The following APP variants were observed in gnomAD, a reference collection of about 807,000 sequenced individuals.
The protein encoded by APP is amyloid beta precursor protein.
Under a neutral mutation model 101.4 loss-of-function variants are expected in APP, and 31 were observed. The ratio of observed to expected loss-of-function variants is 0.31; its 90% confidence interval spans 0.23 to 0.41. The LOEUF is 0.41. Ranked by LOEUF, APP falls within the 10% of genes least tolerant of loss-of-function variation. The pLI, the probability that APP is intolerant of heterozygous loss-of-function variation, is 1.00. For synonymous variants in APP, 366 were observed against 364.4 expected (o/e 1.00, Z -0.05); for missense variants, 839 against 1,003.7 (o/e 0.84, Z 2.22).
chr21:26,112,944 T>A (rs747214826), intron 1 of APP, among the ~76,000 whole-genome samples: 3 of 152,206 alleles, frequency 2.0e-5, no homozygotes, highest in Non-Finnish European at 4.4e-5. Context: ...GGGTGCCTTC[T>A]GTATTTTCAA....
chr21:25,929,250 C>T (rs541514613), intron 13 of APP, among the ~76,000 whole-genome samples: 106 of 152,262 alleles, frequency 7.0e-4, no homozygotes, highest in African/African-American at 1.9e-3. Context: ...GTTATGACTT[C>T]ACTGTGAGTC....
intron 10 of APP, among the ~76,000 whole-genome samples, chr21:25,975,696 A>T (rs922279871): frequency 1.3e-5 from 2 of 152,210 alleles, no homozygotes; most frequent in African/African-American, 2.4e-5. Context: ...GACTGAAAAG[A>T]TGTATTATTA....
intron 5 of APP, among the ~76,000 whole-genome samples, chr21:26,042,265 C>G (rs2045406431): frequency 1.3e-5 from 2 of 152,164 alleles, no homozygotes; most frequent in Non-Finnish European, 2.9e-5. Flanking sequence ...CTCTCTTTCT[C>G]TCTCACCTAA....
At chr21:26,088,638 C>G (rs1018025251) in intron 3 of APP, among the ~76,000 whole-genome samples, 1 of 152,046 alleles carries the variant, frequency 6.6e-6, no homozygotes, top group South Asian at 2.1e-4. Flanking sequence ...TACACAGTTC[C>G]TGGGGACAGA....
At chr21:26,061,713 C>A (rs1000906588) in intron 3 of APP, among the ~76,000 whole-genome samples, 1 of 152,100 alleles carries the variant, frequency 6.6e-6, no homozygotes. Flanking sequence ...TAACTATTAC[C>A]GGATAATAGT....
At chr21:25,952,934 G>C (rs1050827870) in intron 13 of APP, among the ~76,000 whole-genome samples, 2 of 152,074 alleles carry the variant, frequency 1.3e-5, no homozygotes, top group Non-Finnish European at 2.9e-5. Context: ...AAGTATATTT[G>C]TTTGCTAAAG....
At chr21:25,894,287 CTTA>C (rs1477229414) in intron 16 of APP, among the ~76,000 whole-genome samples, 3 of 152,170 alleles carry the variant, frequency 2.0e-5, no homozygotes, top group Non-Finnish European at 4.4e-5. Context: ...ACTTTCAAGT[CTTA>C]TTATTTCAGC....
At chr21:26,168,037 T>C (rs535644104) in intron 1 of APP, among the ~76,000 whole-genome samples, 9 of 152,110 alleles carry the variant, frequency 5.9e-5, no homozygotes, top group Non-Finnish European at 1.0e-4. Flanking sequence ...GGTAAGATGA[T>C]TGTGACTAGG....
intron 3 of APP, among the ~76,000 whole-genome samples, chr21:26,057,122 T>A (rs2046073585): frequency 6.6e-6 from 1 of 152,224 alleles, no homozygotes; most frequent in African/African-American, 2.4e-5. Context: ...TGCTTTGTTT[T>A]TAAAAACAAA....
intron 1 of APP, among the ~76,000 whole-genome samples, chr21:26,145,552 G>A (rs2063136692): frequency 6.6e-6 from 1 of 152,194 alleles, no homozygotes; most frequent in African/African-American, 2.4e-5. Flanking sequence ...TTCCTAGCAG[G>A]CCATGGACCA....
intron 5 of APP, among the ~76,000 whole-genome samples, chr21:26,034,877 T>C (rs116472787): frequency 0.021 from 3,231 of 152,014 alleles, 105 homozygotes; most frequent in African/African-American, 0.074. Context: ...TTACATTCTA[T>C]GGGGGGAGAG....
chr21:25,938,189 T>C (rs747292756), intron 13 of APP, among the ~76,000 whole-genome samples: 3 of 152,204 alleles, frequency 2.0e-5, no homozygotes, highest in Non-Finnish European at 2.9e-5. Flanking sequence ...ACCTAGCCAC[T>C]AATGCTGCCA....
intron 1 of APP, among the ~76,000 whole-genome samples, chr21:26,136,859 C>T (rs1405416747): frequency 6.6e-6 from 1 of 152,194 alleles, no homozygotes; most frequent in Non-Finnish European, 1.5e-5. Flanking sequence ...ACTAGAATGT[C>T]ATTCTCCGCT....
Position 25,969,334 on chromosome 21 carries a change from C to A in APP, c.1458+5736G>T, listed in dbSNP as rs926054702. On this transcript the variant is annotated intron_variant, in intron 11 of 17. Transcript: ENST00000346798. ...CTGCACTCCAGCCTGGGCGACAAAG[C>A]AAGACTCTGTCTCAAAAAAAAAAAA... Among the ~76,000 whole-genome samples the A allele has an allele frequency of 1.7e-4, 14 of 82,306 alleles. No homozygotes were observed. In the Admixed American group the frequency reaches 2.4e-3, roughly 14 times the overall value. 54.0% of individuals were successfully genotyped at this position (82,306 alleles called of 152,430 possible).
intron 1 of APP, among the ~76,000 whole-genome samples, chr21:26,154,502 C>A (rs548018476): frequency 5.4e-4 from 82 of 152,214 alleles, no homozygotes; most frequent in African/African-American, 1.9e-3. Context: ...GAAGATATGC[C>A]TGGTAACTCT....
At chr21:26,066,325 C>T (rs1241240128) in intron 3 of APP, among the ~76,000 whole-genome samples, 3 of 152,118 alleles carry the variant, frequency 2.0e-5, no homozygotes, top group Non-Finnish European at 4.4e-5. Context: ...TTGTAAGACA[C>T]TCTTTGCTTA....
Position 26,111,964 on chromosome 21 carries a change from C to T in APP, c.225+15G>A, listed in dbSNP as rs774539709. The stretch of plus-strand genomic sequence containing the variant: ...GTGATCCAACGTGAATTGCTAGCCA[C>T]CGGACAGGACTTACTTCTTGGCAAT... On this transcript the variant is annotated intron_variant, in intron 2 of 17. Coordinates refer to ENST00000346798, the MANE Select transcript of APP (RefSeq NM_000484.4). 1.2e-6 allele frequency: 2 copies of T among 1,613,820 alleles called. No individual in the cohort carries two copies. The highest frequency in any genetic ancestry group is 4.5e-5 in the East Asian group (2 of 44,884).
intron 1 of APP, among the ~76,000 whole-genome samples, chr21:26,128,499 T>G (rs555664551): frequency 6.6e-6 from 1 of 152,354 alleles, no homozygotes; most frequent in East Asian, 1.9e-4. Context: ...CTTATACCAC[T>G]AAGTTATTAA....
At chr21:25,903,846 G>A (rs540255785) in intron 15 of APP, among the ~76,000 whole-genome samples, 13 of 152,310 alleles carry the variant, frequency 8.5e-5, no homozygotes, top group Admixed American at 1.3e-4. Context: ...CTGTCAAGAC[G>A]TGTCACACTA....
Sources: allele counts gnomAD v4.1 joint callset (sites outside exome capture counted in the v4.1 genomes callset), GRCh38; gene constraint gnomAD v4.1.1; transcripts MANE v1.5; gene names NCBI Gene and HGNC (gene_info 2026-07-23, HGNC 2026-07-21).